The following CDH10 variants were observed in gnomAD, a reference collection of about 807,000 sequenced individuals.
CDH10 encodes the protein cadherin-10.
Under a neutral mutation model 73.1 loss-of-function variants are expected in CDH10, and 30 were observed. That is an observed-to-expected ratio of 0.41 (90% CI 0.31 to 0.56). CDH10 has a LOEUF of 0.56. CDH10 is among the 20% of genes least tolerant of loss of function. The pLI, the probability that CDH10 is intolerant of heterozygous loss-of-function variation, is 0.27. For synonymous variants in CDH10, 345 were observed against 348.2 expected (o/e 0.99, Z 0.10); for missense variants, 815 against 973.7 (o/e 0.84, Z 2.17).
At chr5:24,539,325 TAATTG>T (rs1399658966) in intron 2 of CDH10, among the ~76,000 whole-genome samples, 1 of 152,056 alleles carries the variant, frequency 6.6e-6, no homozygotes, top group East Asian at 1.9e-4. Context: ...TTTGTTTATT[TAATTG>T]AAAGGTTCTT....
At chr5:24,488,201 T>C (rs1741918313) in intron 11 of CDH10, 48 bp from the exon 12 acceptor site, 1 of 1,452,822 alleles carries the variant, frequency 6.9e-7, no homozygotes, top group Non-Finnish European at 9.3e-7. Context: ...CAAAACACTA[T>C]AAATAACGAG....
chr5:24,641,233 G>T (rs994573073), intron 1 of CDH10, among the ~76,000 whole-genome samples: 1 of 151,916 alleles, frequency 6.6e-6, no homozygotes, highest in Non-Finnish European at 1.5e-5. Context: ...AGGTGAGACT[G>T]CTCTACAGTC....
intron 2 of CDH10, among the ~76,000 whole-genome samples, chr5:24,571,784 CGTA>C (rs1171327296): frequency 6.6e-6 from 1 of 152,014 alleles, no homozygotes; most frequent in African/African-American, 2.4e-5. Context: ...AGTCCTGACT[CGTA>C]GTGTTTGCCA....
intron 2 of CDH10, among the ~76,000 whole-genome samples, chr5:24,574,830 A>C (rs1419583666): frequency 1.2e-5 from 1 of 84,558 alleles, no homozygotes; most frequent in Non-Finnish European, 3.5e-5. Flanking sequence ...TTAGTTCAAA[A>C]GATGATAGGA....
chr5:24,510,988 T>C (rs568995803), intron 6 of CDH10, among the ~76,000 whole-genome samples: 1 of 152,340 alleles, frequency 6.6e-6, no homozygotes, highest in African/African-American at 2.4e-5. Flanking sequence ...TGGGATGATA[T>C]ATTGCCATTA....
intron 1 of CDH10, among the ~76,000 whole-genome samples, chr5:24,638,917 G>C (rs1211899517): frequency 6.6e-6 from 1 of 151,426 alleles, no homozygotes; most frequent in Non-Finnish European, 1.5e-5. Flanking sequence ...GGTTTTGAAA[G>C]TATGTAATTC....
chr5:24,506,866 A>C (rs1337374999), intron 7 of CDH10, among the ~76,000 whole-genome samples: 5 of 152,220 alleles, frequency 3.3e-5, no homozygotes, highest in Admixed American at 3.3e-4. Context: ...TGCTAAATCC[A>C]TTTCATGTGT....
chr5:24,548,535 T>C (rs1199735294), intron 2 of CDH10, among the ~76,000 whole-genome samples: 2 of 147,068 alleles, frequency 1.4e-5, no homozygotes, highest in African/African-American at 5.1e-5. Flanking sequence ...GGCCTTCAAC[T>C]GATTTGATGG....
intron 3 of CDH10, among the ~76,000 whole-genome samples, chr5:24,536,207 TTAACTC>T (rs1051395944): frequency 3.9e-5 from 6 of 152,064 alleles, no homozygotes; most frequent in African/African-American, 1.4e-4. Flanking sequence ...TCTCCACTAA[TTAACTC>T]TAAAAATAAT....
chr5:24,566,411 G>A (rs1185119892), intron 2 of CDH10, among the ~76,000 whole-genome samples: 1 of 152,082 alleles, frequency 6.6e-6, no homozygotes, highest in African/African-American at 2.4e-5. Context: ...AAAAGATATA[G>A]AATTATTTTC....
chr5:24,599,936 A>G (rs1179136046), intron 1 of CDH10, among the ~76,000 whole-genome samples: 3 of 152,176 alleles, frequency 2.0e-5, no homozygotes, highest in African/African-American at 7.2e-5. Flanking sequence ...CATTTTATAA[A>G]AAAAGGATTA....
intron 1 of CDH10, among the ~76,000 whole-genome samples, chr5:24,614,584 T>G (rs1409281569): frequency 6.6e-6 from 1 of 152,206 alleles, no homozygotes; most frequent in Admixed American, 6.5e-5. Context: ...CATTTTTTTC[T>G]CTGTCACTGC....
At chr5:24,558,867 C>T (rs547170699) in intron 2 of CDH10, among the ~76,000 whole-genome samples, 14 of 151,932 alleles carry the variant, frequency 9.2e-5, no homozygotes, top group Non-Finnish European at 1.6e-4. Flanking sequence ...TAAACTTCAA[C>T]ATATATTAGT....
intron 9 of CDH10, among the ~76,000 whole-genome samples, chr5:24,493,390 A>G (rs1742135697): frequency 6.6e-6 from 1 of 151,954 alleles, no homozygotes; most frequent in Admixed American, 6.6e-5. Flanking sequence ...ACATTATTAG[A>G]AACCTTGAGA....
At chr5:24,620,175 A>G (rs988187685) in intron 1 of CDH10, among the ~76,000 whole-genome samples, 8 of 152,204 alleles carry the variant, frequency 5.3e-5, no homozygotes, top group African/African-American at 1.9e-4. Context: ...GTTAATAGGC[A>G]TAATATTTTT....
intron 1 of CDH10, among the ~76,000 whole-genome samples, chr5:24,609,305 T>C (rs983877095): frequency 6.6e-6 from 1 of 152,136 alleles, no homozygotes; most frequent in Admixed American, 6.5e-5. Flanking sequence ...TCCTTGAGGC[T>C]TGGTGGAACG....
intron 8 of CDH10, 35 bp from the exon 9 acceptor site, chr5:24,498,554 A>G: frequency 3.3e-6 from 5 of 1,526,328 alleles, no homozygotes; most frequent in Non-Finnish European, 4.5e-6. Context: ...GTTTAGGAAG[A>G]TAAATTGGTG....
chr5:24,629,224 A>G (rs1489751715), intron 1 of CDH10, among the ~76,000 whole-genome samples: 1 of 152,140 alleles, frequency 6.6e-6, no homozygotes, highest in African/African-American at 2.4e-5. Context: ...TATTTAGAAA[A>G]CTTTCTCTTT....
chr5:24,626,831 T>C (rs988189796), intron 1 of CDH10, among the ~76,000 whole-genome samples: 4 of 148,482 alleles, frequency 2.7e-5, no homozygotes, highest in African/African-American at 9.8e-5. Context: ...AGTACATATA[T>C]ATAAGTGTAT....
Sources: allele counts gnomAD v4.1 joint callset (sites outside exome capture counted in the v4.1 genomes callset), GRCh38; gene constraint gnomAD v4.1.1; transcripts MANE v1.5; gene names NCBI Gene and HGNC (gene_info 2026-07-23, HGNC 2026-07-21).